The following LRRC28 variants were observed in gnomAD, a reference collection of about 807,000 sequenced individuals.
LRRC28 encodes leucine rich repeat containing 28.
In LRRC28, 39 loss-of-function variants were observed where a neutral mutation model predicts 45.7. That is an observed-to-expected ratio of 0.85 (90% confidence interval 0.66 to 1.12). LRRC28 has a LOEUF of 1.12. Ranked by LOEUF, LRRC28 falls within the 50% of genes most tolerant of loss-of-function variation. The probability of loss-of-function intolerance (pLI) is 0.00; values close to 1 mark genes in which losing one functional copy is unlikely to be tolerated. For synonymous variants in LRRC28, 206 were observed against 178.8 expected, an observed-to-expected ratio of 1.15 and a Z score of -1.22; for missense variants, 435 against 438.5, an observed-to-expected ratio of 0.99 and a Z score of 0.07.
rs141647287 is a variant in LRRC28 at position 99,341,246 on chromosome 15, A to G, written c.592+7117A>G. Among the ~76,000 whole-genome samples, 76 of 151,990 alleles carry G rather than the reference A, an allele frequency of 5.0e-4. No homozygotes were observed. In the East Asian group the frequency reaches 7.0e-3, roughly 14 times the overall value. On this transcript the variant is annotated intron_variant, in intron 6 of 9. Transcript: ENST00000301981. Reference sequence around the variant, plus strand: ...GCTGGGATTATAGGCGCACACTGCCATGGATGGCTAATTTTTGTATTTTTA... The same window carrying G: ...GCTGGGATTATAGGCGCACACTGCCGTGGATGGCTAATTTTTGTATTTTTA...
intron 3 of LRRC28, among the ~76,000 whole-genome samples, chr15:99,282,738 C>T (rs1362666844): frequency 6.6e-6 from 1 of 152,108 alleles, no homozygotes; most frequent in Non-Finnish European, 1.5e-5. Flanking sequence ...AAGGAAATCA[C>T]CTAACGACAC....
chr15:99,385,290 C>CTGTGTT, intron 9 of LRRC28, among the ~76,000 whole-genome samples: 1 of 152,324 alleles, frequency 6.6e-6, no homozygotes, highest in South Asian at 2.1e-4. Context: ...TCCTGGGCCA[C>CTGTGTT]AGGGAAAGGC....
chr15:99,285,525 A>G, intron 3 of LRRC28: 1 of 1,074,846 alleles, frequency 9.3e-7, no homozygotes, highest in African/African-American at 1.6e-5. Flanking sequence ...TCAGGCCTCC[A>G]ATGAAGAGCT....
chr15:99,300,852 G>A (rs1201577855), intron 5 of LRRC28, among the ~76,000 whole-genome samples: 1 of 152,076 alleles, frequency 6.6e-6, no homozygotes, highest in Non-Finnish European at 1.5e-5. Flanking sequence ...TAAAAAGTGT[G>A]CACAGTTATG....
At chr15:99,328,546 G>T (rs998216850) in intron 5 of LRRC28, among the ~76,000 whole-genome samples, 7 of 151,828 alleles carry the variant, frequency 4.6e-5, no homozygotes, top group African/African-American at 1.5e-4. Flanking sequence ...TTAATTTTAG[G>T]TGTCAACTTG....
intron 5 of LRRC28, among the ~76,000 whole-genome samples, chr15:99,299,087 T>C (rs779024691): frequency 7.9e-5 from 12 of 152,242 alleles, no homozygotes; most frequent in Non-Finnish European, 1.8e-4. Flanking sequence ...GTTTGCTATC[T>C]TGGCAAAATG....
rs146603791 is a variant in LRRC28 at position 99,268,295 on chromosome 15, T to A, written c.169-8281T>A. 4.2e-4 allele frequency among the ~76,000 whole-genome samples: 64 copies of A among 152,310 alleles called. 1 individual carries two copies. Among genetic ancestry groups the A allele is most frequent in the Middle Eastern group, 3.4e-3 (1 of 294 alleles). On this transcript the variant is annotated intron_variant, in intron 2 of 9. Transcript: ENST00000301981. ...AGAAATATTTTTAAACATGTATCAT[T>A]CTTTGCTTTTTAAATGAAATGTAGG...
At chr15:99,251,891 C>G (rs943137318) in intron 1 of LRRC28, 1 of 152,238 alleles carries the variant, frequency 6.6e-6, no homozygotes, top group Non-Finnish European at 1.5e-5. Context: ...AGAAAATAGC[C>G]TTTTACAAAT....
At chr15:99,308,901 A>G (rs984546140) in intron 5 of LRRC28, among the ~76,000 whole-genome samples, 2 of 152,204 alleles carry the variant, frequency 1.3e-5, no homozygotes, top group Non-Finnish European at 2.9e-5. Flanking sequence ...CTGAGGCTCA[A>G]CTGCAGACGA....
intron 5 of LRRC28, among the ~76,000 whole-genome samples, chr15:99,299,896 G>A (rs912022239): frequency 6.6e-6 from 1 of 152,158 alleles, no homozygotes; most frequent in Non-Finnish European, 1.5e-5. Context: ...AAGTGAGGAA[G>A]CACTCAAAAA....
intron 7 of LRRC28, 172 bp from the exon 8 acceptor site, chr15:99,361,163 TG>T: frequency 1.4e-6 from 1 of 704,728 alleles, no homozygotes; most frequent in Non-Finnish European, 2.2e-6. Flanking sequence ...TTTAGATTGC[TG>T]GGCCAGGTTT....
At chr15:99,323,013 C>T (rs1033347379) in intron 5 of LRRC28, among the ~76,000 whole-genome samples, 4 of 152,170 alleles carry the variant, frequency 2.6e-5, no homozygotes, top group Admixed American at 6.5e-5. Flanking sequence ...TTCTATCATC[C>T]AGTAATTTCT....
chr15:99,361,397 A>G lies in LRRC28; in HGVS notation c.757A>G (p.Thr253Ala). 1 of 1,613,646 alleles carries G rather than the reference A, an allele frequency of 6.2e-7. No homozygotes were observed. The highest frequency in any genetic ancestry group is 8.5e-7 in the Non-Finnish European group (1 of 1,179,900). The change falls in exon 8 of 10, where the codon ACC (threonine) becomes GCC (alanine). Residue 253 changes from threonine (T) to alanine (A), a missense_variant. By Grantham distance (58) the Thr-to-Ala change is moderately conservative (BLOSUM62 0). Coordinates refer to ENST00000301981, the MANE Select transcript of LRRC28 (RefSeq NM_144598.5). Reference sequence around the variant, plus strand: ...GCTTTCCTTTTCATCAGGGCAGCGAACCGTTTTCCTCCCAGCTGAGGTGAA... The same window carrying G: ...GCTTTCCTTTTCATCAGGGCAGCGAGCCGTTTTCCTCCCAGCTGAGGTGAA... ...KLLSFSSGQRTVFLPAEVKAI... is the reference protein window; with the variant it reads ...KLLSFSSGQRAVFLPAEVKAI...
intron 9 of LRRC28, among the ~76,000 whole-genome samples, chr15:99,367,822 A>C (rs1336478990): frequency 2.0e-5 from 3 of 152,150 alleles, no homozygotes; most frequent in African/African-American, 7.2e-5. Context: ...TTACATAGAC[A>C]TGATTAATTA....
chr15:99,386,308 T>G lies in LRRC28; in HGVS notation c.*206T>G, dbSNP rs893269448. 9.9e-6 allele frequency: 5 copies of G among 506,936 alleles called. No individual in the cohort carries two copies. The highest frequency in any genetic ancestry group is 1.4e-5 in the Non-Finnish European group (4 of 285,442). 31.4% of individuals were successfully genotyped at this position (506,936 alleles called of 1,614,324 possible). On this transcript the variant is annotated 3_prime_UTR_variant, in exon 10 of 10. Transcript: ENST00000301981. ...CCCCAAATTAAGGACCCATTTGTCTTCTGTGTTTTTCCTTTTTATGTGAGT... is the reference window on the plus strand; with the variant it reads ...CCCCAAATTAAGGACCCATTTGTCTGCTGTGTTTTTCCTTTTTATGTGAGT...
chr15:99,370,926 GT>G (rs1298716102), intron 9 of LRRC28, among the ~76,000 whole-genome samples: 5 of 152,162 alleles, frequency 3.3e-5, no homozygotes, highest in Non-Finnish European at 5.9e-5. Flanking sequence ...TAACAAACTG[GT>G]ATTTGCTTTA....
chr15:99,361,611 G>A, intron 8 of LRRC28, 100 bp downstream of exon 8: 2 of 1,215,426 alleles, frequency 1.6e-6, no homozygotes, highest in South Asian at 3.3e-5. Context: ...AAAAATTATT[G>A]TGGTAAAATA....
intron 1 of LRRC28, among the ~76,000 whole-genome samples, chr15:99,253,842 T>G (rs540701227): frequency 2.0e-5 from 3 of 152,034 alleles, no homozygotes; most frequent in Non-Finnish European, 4.4e-5. Flanking sequence ...GGATTTGAGA[T>G]GTATTTGGGA....
At chr15:99,364,616 T>G (rs1439731021) in intron 9 of LRRC28, among the ~76,000 whole-genome samples, 1 of 152,190 alleles carries the variant, frequency 6.6e-6, no homozygotes, top group Non-Finnish European at 1.5e-5. Flanking sequence ...TTTATGAGAA[T>G]CTTACAGTGG....
Sources: allele counts gnomAD v4.1 joint callset (sites outside exome capture counted in the v4.1 genomes callset), GRCh38; gene constraint gnomAD v4.1.1; transcripts MANE v1.5; gene names NCBI Gene and HGNC (gene_info 2026-07-23, HGNC 2026-07-21).